Variants in HIVEP3 observed in about 807,000 individuals in gnomAD.
HIVEP3 encodes the protein transcription factor HIVEP3.
In HIVEP3, 49 loss-of-function variants were observed where a neutral mutation model predicts 152.8. The observed-to-expected ratio is 0.32, with a 90% CI of 0.26 to 0.41. The LOEUF (loss-of-function observed/expected upper bound fraction) is 0.41, where lower values mean the gene tolerates loss of function less well. Ranked by LOEUF, HIVEP3 falls within the 10% of genes least tolerant of loss-of-function variation. The pLI, the probability that HIVEP3 is intolerant of heterozygous loss-of-function variation, is 1.00. For synonymous variants in HIVEP3, 1,269 were observed against 1,289.0 expected (o/e 0.98, Z 0.33); for missense variants, 2,790 against 3,103.3 (o/e 0.90, Z 2.40).
At chr1:41,629,903 G>A (rs938686975) in intron 2 of HIVEP3, among the ~76,000 whole-genome samples, 10 of 152,162 alleles carry the variant, frequency 6.6e-5, no homozygotes, top group African/African-American at 2.2e-4. Context: ...ACGACCATTC[G>A]ACCCAGAAAT....
intron 3 of HIVEP3, among the ~76,000 whole-genome samples, chr1:41,621,342 C>T (rs1340540537): frequency 6.6e-6 from 1 of 152,180 alleles, no homozygotes; most frequent in African/African-American, 2.4e-5. Context: ...AATTCTGGCT[C>T]ACAGGATAAA....
chr1:41,812,688 G>C (rs932552036), intron 1 of HIVEP3, among the ~76,000 whole-genome samples: 1 of 152,024 alleles, frequency 6.6e-6, no homozygotes, highest in African/African-American at 2.4e-5. Flanking sequence ...GGGGGTGGGG[G>C]GGGACCTGGG....
chr1:42,014,599 G>A (rs1389845636), intron 1 of HIVEP3, among the ~76,000 whole-genome samples: 1 of 152,158 alleles, frequency 6.6e-6, no homozygotes, highest in African/African-American at 2.4e-5. Flanking sequence ...GTCCAGTGAT[G>A]CCGATCTGTC....
intron 1 of HIVEP3, among the ~76,000 whole-genome samples, chr1:41,717,374 A>G (rs1646611032): frequency 6.6e-6 from 1 of 152,270 alleles, no homozygotes; most frequent in Non-Finnish European, 1.5e-5. Context: ...GGGGAAACAG[A>G]CAACATTCAA....
intron 1 of HIVEP3, among the ~76,000 whole-genome samples, chr1:41,791,246 T>C (rs1156569015): frequency 6.6e-6 from 1 of 152,164 alleles, no homozygotes; most frequent in Non-Finnish European, 1.5e-5. Flanking sequence ...ATTTGTGCAC[T>C]AGCTGCTTTT....
chr1:41,598,829 A>ATT (rs750668992), intron 3 of HIVEP3, among the ~76,000 whole-genome samples: 2 of 151,746 alleles, frequency 1.3e-5, no homozygotes, highest in African/African-American at 2.4e-5. Context: ...TTATTTATTT[A>ATT]TTTAGGGACA....
chr1:41,688,326 G>T (rs1311156411), intron 2 of HIVEP3, among the ~76,000 whole-genome samples: 1 of 152,228 alleles, frequency 6.6e-6, no homozygotes, highest in African/African-American at 2.4e-5. Context: ...GAACAAAACA[G>T]GACTCTTTTC....
At chr1:41,745,529 G>A (rs184437585) in intron 1 of HIVEP3, among the ~76,000 whole-genome samples, 119 of 152,354 alleles carry the variant, frequency 7.8e-4, no homozygotes, top group Admixed American at 2.1e-3. Context: ...CCAACACTCT[G>A]CTCTGACCCT....
At position 41,662,944 on chromosome 1, in the gene HIVEP3, T is replaced by C. The variant is rs1454036194; in HGVS notation, c.-720-33997A>G. Among the ~76,000 whole-genome samples, 1 of 150,538 alleles carries C rather than the reference T, an allele frequency of 6.6e-6. No homozygotes were observed. The highest frequency in any genetic ancestry group is 2.4e-5 in the African/African-American group (1 of 41,184). ...CTCCCCAGGCGGGAATCCGCTTTAA[T>C]GAGCTCTGGGCGGGGCGGGCCTGCC... On this transcript the variant is annotated intron_variant, in intron 2 of 8. Transcript: ENST00000372583. This position sits in a 1 kb window ranked among gnomAD's most constrained non-coding sequence, Gnocchi z 7.2.
chr1:41,803,715 C>T (rs1176805390), intron 1 of HIVEP3, among the ~76,000 whole-genome samples: 2 of 152,214 alleles, frequency 1.3e-5, no homozygotes, highest in Non-Finnish European at 2.9e-5. Flanking sequence ...TTGCCTGGTA[C>T]ACTCTCCTCA....
chr1:42,028,694 G>A (rs556143402), intron 1 of HIVEP3, among the ~76,000 whole-genome samples: 32 of 152,290 alleles, frequency 2.1e-4, no homozygotes, highest in African/African-American at 6.0e-4. Context: ...TCTACAAAGA[G>A]GAAATAAATG....
Position 41,561,672 on chromosome 1 carries a change from C to T in HIVEP3, c.5207+13872G>A, listed in dbSNP as rs577854272. Reference sequence around the variant, plus strand: ...GGACTATAGGCACACACTACCATGCCCAGCTAATTTTTTTTTTTTTTTTGT... The same window carrying T: ...GGACTATAGGCACACACTACCATGCTCAGCTAATTTTTTTTTTTTTTTTGT... On this transcript the variant is annotated intron_variant, in intron 5 of 8. Coordinates refer to ENST00000372583, the MANE Select transcript of HIVEP3 (RefSeq NM_024503.5). 1.6e-3 allele frequency among the ~76,000 whole-genome samples: 216 copies of T among 132,144 alleles called. 1 individual carries two copies. Among genetic ancestry groups the T allele is most frequent in the African/African-American group, 5.9e-3 (205 of 34,480 alleles). 86.7% of individuals were successfully genotyped at this position (132,144 alleles called of 152,430 possible). A position where few individuals can be genotyped will look rare whatever the true frequency, so the allele number is the denominator to read the frequency against.
chr1:41,785,081 A>G (rs1362653520), intron 1 of HIVEP3, among the ~76,000 whole-genome samples: 1 of 152,218 alleles, frequency 6.6e-6, no homozygotes, highest in Non-Finnish European at 1.5e-5. Context: ...GTCTTTAGAC[A>G]TAGTTCTCTC....
intron 1 of HIVEP3, among the ~76,000 whole-genome samples, chr1:41,746,200 G>GA (rs905351368): frequency 4.6e-5 from 7 of 151,740 alleles, no homozygotes; most frequent in Admixed American, 2.0e-4. Context: ...TGTATTTAGA[G>GA]AAAAAAAAAT....
chr1:41,875,922 G>A (rs1478284413), intron 1 of HIVEP3, among the ~76,000 whole-genome samples: 7 of 152,040 alleles, frequency 4.6e-5, no homozygotes, highest in South Asian at 4.2e-4. Context: ...CTCCCCCACC[G>A]GGATGCAAGT....
At chr1:41,628,716 C>A (rs889827307) in intron 3 of HIVEP3, 33 bp downstream of exon 3, 3 of 1,225,252 alleles carry the variant, frequency 2.4e-6, no homozygotes, top group Non-Finnish European at 3.1e-6. Context: ...TGGCGCCTGG[C>A]AAGCATATTC....
At chr1:41,786,167 C>T (rs1649336859) in intron 1 of HIVEP3, among the ~76,000 whole-genome samples, 1 of 152,168 alleles carries the variant, frequency 6.6e-6, no homozygotes, top group Non-Finnish European at 1.5e-5. Context: ...GTCACCTGGC[C>T]CCACATTGCC....
At chr1:41,758,362 T>A (rs971788870) in intron 1 of HIVEP3, among the ~76,000 whole-genome samples, 12 of 152,068 alleles carry the variant, frequency 7.9e-5, no homozygotes, top group Non-Finnish European at 4.4e-5. Context: ...CTGGTCCAAA[T>A]CTCCTCTGGA....
intron 2 of HIVEP3, among the ~76,000 whole-genome samples, chr1:41,634,219 C>G (rs34994336): frequency 6.6e-6 from 1 of 150,908 alleles, no homozygotes; most frequent in Non-Finnish European, 1.5e-5. Context: ...ATCCAAGAAA[C>G]AGGGAGAAAT....
Sources: gnomAD v4.1 joint callset for allele counts (sites outside exome capture counted in the v4.1 genomes callset) on GRCh38, gnomAD v4.1.1 for gene constraint, Gnocchi (gnomAD v3.1) non-coding constraint, MANE v1.5 for transcripts, NCBI Gene and HGNC (gene_info 2026-07-23, HGNC 2026-07-21) for gene names.